The following LAMA5 variants were observed in gnomAD, a reference collection of about 807,000 sequenced individuals.
The protein encoded by LAMA5 is laminin subunit alpha 5.
A neutral mutation model predicts 433.4 loss-of-function variants in LAMA5; 260 were observed. The observed-to-expected ratio is 0.60, with a 90% CI of 0.54 to 0.66. LAMA5 has a LOEUF of 0.66. Among genes scored for constraint, LAMA5 ranks in the 30% least tolerant of loss-of-function variants. LAMA5 has a pLI of 0.00. For synonymous variants in LAMA5, 2,620 were observed against 2,226.6 expected (o/e 1.18, Z -4.97); for missense variants, 5,378 against 5,258.5 (o/e 1.02, Z -0.70).
At chr20:62,314,485 A>G (rs766572076) in intron 61 of LAMA5, 45 bp from the exon 62 acceptor site, 8 of 1,610,772 alleles carry the variant, frequency 5.0e-6, no homozygotes, top group South Asian at 3.3e-5. Flanking sequence ...ACCGGGGACC[A>G]GGGACCAGGC....
At chr20:62,318,410 G>T (rs201308139) in intron 53 of LAMA5, 44 bp downstream of exon 53, 31 of 1,509,588 alleles carry the variant, frequency 2.1e-5, no homozygotes, top group Non-Finnish European at 2.8e-5. Flanking sequence ...GCAGGGAGGA[G>T]GCGGGAAGAG....
chr20:62,320,482 G>T, intron 50 of LAMA5, 77 bp downstream of exon 50: 1 of 1,108,156 alleles, frequency 9.0e-7, no homozygotes, highest in Non-Finnish European at 1.3e-6. Context: ...AGTAACATCT[G>T]CTGAATGAGG....
At position 62,329,815 on chromosome 20, in the gene LAMA5, C is replaced by T; in HGVS notation, c.4081G>A (p.Val1361Met). 6.2e-7 allele frequency: 1 copy of T among 1,612,542 alleles called. No homozygotes were observed. Among genetic ancestry groups the T allele is most frequent in the Middle Eastern group, 1.7e-4 (1 of 6,058 alleles). ...LLDVTHSELT[V>M]TVRVPKGRWL... Reference sequence around the variant, plus strand: ...CGGCCCTTGGGCACACGCACGGTCACAGTGAGCTCGCTGTGGGTCACGTCC... The same window carrying T: ...CGGCCCTTGGGCACACGCACGGTCATAGTGAGCTCGCTGTGGGTCACGTCC... The change falls in exon 32 of 80, where the codon GTG (valine) becomes ATG (methionine). Residue 1361 changes from valine to methionine, a missense_variant. Val to Met is a conservative substitution (Grantham distance 21, BLOSUM62 1). Coordinates refer to ENST00000252999, the MANE Select transcript of LAMA5 (RefSeq NM_005560.6).
chr20:62,314,465 C>T (rs771847442), intron 61 of LAMA5, 25 bp from the exon 62 acceptor site: 6 of 1,612,604 alleles, frequency 3.7e-6, no homozygotes, highest in Non-Finnish European at 3.4e-6. Flanking sequence ...GACACACAGT[C>T]GGGATGGGGA....
chr20:62,351,974 G>T lies in LAMA5; in HGVS notation c.793C>A (p.Arg265Ser). ...KATNVRLRFL[R>S]TNTLLGHLMG... is the part of the protein sequence containing the mutation. ...AGATGGCCCAGCAGCGTGTTGGTAC[G>T]CAGGAAGCGCAGGCGGACGTTGGTG... The change falls in exon 5 of 80, where the codon CGT becomes AGT. Residue 265 changes from arginine to serine, a missense_variant. Transcript: ENST00000252999. 6.2e-7 allele frequency: 1 copy of T among 1,612,542 alleles called. No homozygotes were observed. Among genetic ancestry groups the T allele is most frequent in the Non-Finnish European group, 8.5e-7 (1 of 1,179,864 alleles).
chr20:62,309,610 A>AGGGGGTGGAGGGGGGGG, intron 79 of LAMA5, 106 bp downstream of exon 79: 1 of 336,960 alleles, frequency 3.0e-6, no homozygotes, highest in Non-Finnish European at 4.8e-6. Context: ...GGGTGGGAGG[A>AGGGGGTGGAGGGGGGGG]GGGTGGGAGG....
chr20:62,335,989 C>T (rs1341053903), intron 18 of LAMA5, among the ~76,000 whole-genome samples: 33 of 149,074 alleles, frequency 2.2e-4, no homozygotes, highest in African/African-American at 7.9e-4. Context: ...CCCCAACACT[C>T]CCTCCAGGGC....
At position 62,326,891 on chromosome 20, in the gene LAMA5, C is replaced by G; in HGVS notation, c.5188G>C (p.Glu1730Gln). The G allele has an allele frequency of 6.2e-7, 1 of 1,612,392 alleles. No homozygotes were observed. Among genetic ancestry groups the G allele is most frequent in the East Asian group, 2.2e-5 (1 of 44,844 alleles). Residue 1730 changes from glutamate to glutamine, a missense_variant, in exon 39 of 80, where the codon GAG (glutamate) becomes CAG (glutamine). Physicochemically the swap from Glu to Gln is conservative, Grantham distance 29 (BLOSUM62 2). Transcript: ENST00000252999. The stretch of plus-strand genomic sequence containing the variant: ...TGCAGCACCACATCCGGCCTGCTCT[C>G]CATGGGGACAAAGACATCTCCCCGC... ...TQRGDVFVPMESRPDVVLQGN... is the reference protein window; with the variant it reads ...TQRGDVFVPMQSRPDVVLQGN...
intron 11 of LAMA5, among the ~76,000 whole-genome samples, chr20:62,342,535 C>T (rs1305466712): frequency 2.6e-5 from 4 of 151,724 alleles, no homozygotes; most frequent in South Asian, 4.2e-4. Flanking sequence ...AAAAATTAGC[C>T]GGGCGTGGTG....
Position 62,327,634 on chromosome 20 carries a change from G to T in LAMA5, c.4833C>A (p.Ser1611Arg). 1 of 1,613,198 alleles carries T rather than the reference G, an allele frequency of 6.2e-7. No individual in the cohort carries two copies. The change falls in exon 37 of 80, where the codon AGC becomes AGA. Residue 1611 changes from serine to arginine, a missense_variant. Physicochemically the swap from Ser to Arg is moderately radical, Grantham distance 110. Transcript: ENST00000252999. ...NVQGPKCDQC[S>R]LGTFSLDAAN... ...CAGCATCCAGTGAGAAGGTCCCAAG[G>T]CTGCACTGGTCACATTTGGGGCCCT...
rs767927139 is a variant in LAMA5, at chr20:62,330,525, G to A, written c.3942C>T (p.Pro1314=). The part of the protein sequence containing the change: ...HGYQPAHPTF[P]VEVLINAGRV... ...GGCCGGCGTTGATGAGGACTTCCAC[G>A]GGGAAGGTGGGGTGGGCTGGCTGGT... The change falls in exon 31 of 80, where the codon CCC becomes CCT. Residue 1314 remains proline (P), a synonymous_variant. Coordinates refer to ENST00000252999, the MANE Select transcript of LAMA5 (RefSeq NM_005560.6). 25 of 1,574,490 alleles carry A rather than the reference G, an allele frequency of 1.6e-5. No homozygotes were observed. Among genetic ancestry groups the A allele is most frequent in the Middle Eastern group, 1.7e-4 (1 of 5,984 alleles).
Position 62,351,715 on chromosome 20 carries a change from C to A in LAMA5, c.945G>T (p.Thr315=), listed in dbSNP as rs144291842. The A allele has an allele frequency of 1.1e-5, 17 of 1,611,544 alleles. No individual in the cohort carries two copies. Among genetic ancestry groups the A allele is most frequent in the African/African-American group, 4.0e-5 (3 of 74,928 alleles). ...HADACDAKDP[T]DPFRLQCTCQ... is the part of the protein sequence containing the mutation. ...GAATGGGGCCTCACCTGAACGGGTC[C>A]GTGGGGTCTTTGGCATCGCAGGCAT... The change falls in exon 6 of 80, where the codon ACG becomes ACT. Residue 315 remains threonine (T), a synonymous_variant. Coordinates refer to ENST00000252999, the MANE Select transcript of LAMA5 (RefSeq NM_005560.6).
chr20:62,333,050 C>T lies in LAMA5; in HGVS notation c.3282+40G>A, dbSNP rs536936040. 3.1e-5 allele frequency: 45 copies of T among 1,450,458 alleles called. No homozygotes were observed. In the East Asian group the frequency reaches 1.1e-3, roughly 36 times the overall value. The allele number at this position is 1,450,458 out of a possible 1,614,324, so 89.8% of individuals were successfully genotyped here. On this transcript the variant is annotated intron_variant, in intron 26 of 79. Transcript: ENST00000252999. ...GACCCCCAGCCCCCAGGCCAAGGTC[C>T]TGCAACACCCATTGCTCCGTGGGGT...
At chr20:62,346,479 G>C (rs1425104646) in intron 9 of LAMA5, 27 bp downstream of exon 9, 2 of 1,545,610 alleles carry the variant, frequency 1.3e-6, no homozygotes, top group Non-Finnish European at 1.8e-6. Context: ...TGAGACCCAG[G>C]ACACCCGCCC....
intron 77 of LAMA5, 48 bp from the exon 78 acceptor site, chr20:62,310,129 G>A (rs1986061290): frequency 6.2e-7 from 1 of 1,611,500 alleles, no homozygotes; most frequent in Non-Finnish European, 8.5e-7. Flanking sequence ...GAGGTCACCA[G>A]AATGGGGAGG....
chr20:62,366,311 C>T (rs1986720047), intron 1 of LAMA5, among the ~76,000 whole-genome samples: 1 of 152,184 alleles, frequency 6.6e-6, no homozygotes, highest in Non-Finnish European at 1.5e-5. Flanking sequence ...ACATGCACCC[C>T]AGGGGGTCTT....
Position 62,346,547 on chromosome 20 carries a change from C to A in LAMA5, c.1241G>T (p.Arg414Leu). The A allele has an allele frequency of 2.6e-6, 4 of 1,558,212 alleles. No homozygotes were observed. Among genetic ancestry groups the A allele is most frequent in the Non-Finnish European group, 3.5e-6 (4 of 1,150,998 alleles). Reference protein sequence around the residue: ...NCERCLPGFYRSPNHPLDSPH... With the variant: ...NCERCLPGFYLSPNHPLDSPH... Reference sequence around the variant, plus strand: ...CGAGTCGAGAGGGTGGTTGGGAGAGCGGTAGAAGCCGGGCAGGCAGCGCTC... The same window carrying A: ...CGAGTCGAGAGGGTGGTTGGGAGAGAGGTAGAAGCCGGGCAGGCAGCGCTC... Residue 414 changes from arginine (R) to leucine (L), a missense_variant, in exon 9 of 80, where the codon CGC becomes CTC. Arg to Leu is a moderately radical substitution (Grantham distance 102, BLOSUM62 -2). Coordinates refer to ENST00000252999, the MANE Select transcript of LAMA5 (RefSeq NM_005560.6).
chr20:62,350,172 C>T (rs985873517), intron 6 of LAMA5, among the ~76,000 whole-genome samples: 2 of 151,898 alleles, frequency 1.3e-5, no homozygotes. Context: ...AGGCAAGCCC[C>T]GGCTCCCGCG....
chr20:62,314,190 G>A (rs1353104100), intron 62 of LAMA5, 114 bp downstream of exon 62: 2 of 1,319,980 alleles, frequency 1.5e-6, no homozygotes, highest in Middle Eastern at 2.7e-4. Context: ...GCGAGGGGTG[G>A]CGAGTGGGCA....
Sources: allele counts gnomAD v4.1 joint callset (sites outside exome capture counted in the v4.1 genomes callset), GRCh38; gene constraint gnomAD v4.1.1; transcripts MANE v1.5; gene names NCBI Gene and HGNC (gene_info 2026-07-23, HGNC 2026-07-21).